CDK14: variants seen among roughly 807,000 people sequenced by gnomAD.
CDK14 encodes the protein cyclin dependent kinase 14.
In CDK14, 34 loss-of-function variants were observed where a neutral mutation model predicts 60.7. The observed-to-expected ratio is 0.56, with a 90% CI of 0.43 to 0.75. CDK14 has a LOEUF of 0.75. Among genes scored for constraint, CDK14 ranks in the 30% least tolerant of loss-of-function variants. CDK14 has a pLI of 0.00. For synonymous variants in CDK14, 197 were observed against 203.7 expected, an observed-to-expected ratio of 0.97 and a Z score of 0.28; for missense variants, 482 against 564.1, an observed-to-expected ratio of 0.85 and a Z score of 1.47.
chr7:90,863,382 GA>G, intron 6 of CDK14, 113 bp downstream of exon 6: 2 of 538,160 alleles, frequency 3.7e-6, no homozygotes, highest in South Asian at 5.6e-5. Flanking sequence ...TATTTTATCT[GA>G]ATACATGAGA....
intron 1 of CDK14, among the ~76,000 whole-genome samples, chr7:90,601,955 T>C (rs1799325528): frequency 6.6e-6 from 1 of 150,842 alleles, no homozygotes; most frequent in Non-Finnish European, 1.5e-5. Flanking sequence ...TGTATGTATG[T>C]ATGTATGTAT....
At chr7:91,207,003 G>T (rs552708199) in intron 14 of CDK14, among the ~76,000 whole-genome samples, 162 bp from the exon 15 acceptor site, 19 of 151,542 alleles carry the variant, frequency 1.3e-4, no homozygotes, top group East Asian at 1.2e-3. Context: ...ATTTTTTTTT[G>T]GTTAAGGAGG....
chr7:91,102,062 C>A (rs1339379960), intron 12 of CDK14, among the ~76,000 whole-genome samples: 1 of 152,158 alleles, frequency 6.6e-6, no homozygotes, highest in East Asian at 1.9e-4. Context: ...GACTTCTTCA[C>A]AAATCATCCA....
intron 5 of CDK14, among the ~76,000 whole-genome samples, chr7:90,800,309 AT>A (rs1282609431): frequency 6.6e-6 from 1 of 152,212 alleles, no homozygotes; most frequent in East Asian, 1.9e-4. Flanking sequence ...TATTTCAAAT[AT>A]TTGGAATTAG....
At chr7:91,126,284 G>C (rs1799942127) in intron 14 of CDK14, among the ~76,000 whole-genome samples, 1 of 152,204 alleles carries the variant, frequency 6.6e-6, no homozygotes, top group Admixed American at 6.6e-5. Flanking sequence ...AGAATGCCCA[G>C]ATTATCCTCT....
intron 8 of CDK14, among the ~76,000 whole-genome samples, chr7:90,949,983 A>T (rs1476314306): frequency 3.3e-5 from 5 of 152,266 alleles, no homozygotes; most frequent in South Asian, 2.1e-4. Flanking sequence ...GGGTACCCAC[A>T]TCTCATAGTG....
intron 4 of CDK14, among the ~76,000 whole-genome samples, chr7:90,762,164 TC>T (rs1486194679): frequency 1.3e-5 from 2 of 152,130 alleles, no homozygotes; most frequent in Non-Finnish European, 2.9e-5. Flanking sequence ...GGAGGAGATG[TC>T]ACCAGGCAGG....
chr7:90,644,834 T>C (rs890873602), intron 2 of CDK14, among the ~76,000 whole-genome samples: 19 of 152,204 alleles, frequency 1.2e-4, no homozygotes, highest in Non-Finnish European at 2.1e-4. Flanking sequence ...TGAGCATGCA[T>C]GCTTATTACA....
chr7:90,851,430 G>T (rs1790642515), intron 5 of CDK14, among the ~76,000 whole-genome samples: 1 of 152,174 alleles, frequency 6.6e-6, no homozygotes, highest in Non-Finnish European at 1.5e-5. Context: ...TCAGTAGAAG[G>T]TTGAGTGCAT....
At chr7:90,871,980 T>G (rs1210046500) in intron 6 of CDK14, among the ~76,000 whole-genome samples, 2 of 152,250 alleles carry the variant, frequency 1.3e-5, no homozygotes, top group African/African-American at 4.8e-5. Context: ...ATTATGGTCA[T>G]TCACTTAATA....
At chr7:90,890,070 T>G (rs1792066156) in intron 6 of CDK14, among the ~76,000 whole-genome samples, 1 of 152,224 alleles carries the variant, frequency 6.6e-6, no homozygotes, top group African/African-American at 2.4e-5. Flanking sequence ...TTATTCACTG[T>G]TTTGAAAACG....
intron 8 of CDK14, among the ~76,000 whole-genome samples, chr7:90,947,254 C>A (rs1794128129): frequency 1.3e-5 from 2 of 152,178 alleles, no homozygotes; most frequent in African/African-American, 4.8e-5. Context: ...TTATCCCTTT[C>A]AGTCTCCCTC....
intron 4 of CDK14, among the ~76,000 whole-genome samples, chr7:90,759,552 CAAGACCCA>C (rs1036089052): frequency 1.3e-5 from 2 of 152,178 alleles, no homozygotes; most frequent in Non-Finnish European, 2.9e-5. Flanking sequence ...CTCACAACCT[CAAGACCCA>C]AAGTTGAGAC....
intron 2 of CDK14, among the ~76,000 whole-genome samples, chr7:90,638,161 G>T (rs907217093): frequency 2.0e-5 from 3 of 152,046 alleles, no homozygotes; most frequent in African/African-American, 7.2e-5. Flanking sequence ...GTGTGAATTT[G>T]ATCCTGCCAT....
chr7:90,770,134 A>G (rs1023923115), intron 4 of CDK14, among the ~76,000 whole-genome samples: 1 of 152,246 alleles, frequency 6.6e-6, no homozygotes, highest in Non-Finnish European at 1.5e-5. Context: ...GCTCTATAGA[A>G]AAGGGATGCT....
intron 9 of CDK14, among the ~76,000 whole-genome samples, chr7:90,963,433 A>T (rs1409269786): frequency 1.3e-5 from 2 of 152,064 alleles, no homozygotes; most frequent in African/African-American, 4.8e-5. Flanking sequence ...TTAAAAAAAA[A>T]TAGAAGTACA....
chr7:91,107,527 G>A (rs1257757498), intron 12 of CDK14: 1 of 152,316 alleles, frequency 6.6e-6, no homozygotes, highest in East Asian at 1.9e-4. Flanking sequence ...TTGATGACTG[G>A]TTATGTTTTG....
At chr7:90,793,047 A>G (rs1805898485) in intron 5 of CDK14, among the ~76,000 whole-genome samples, 2 of 152,052 alleles carry the variant, frequency 1.3e-5, no homozygotes, top group South Asian at 4.1e-4. Flanking sequence ...ATCACACCCT[A>G]TTTTTATTTC....
chr7:90,875,556 G>C (rs1204800707), intron 6 of CDK14, among the ~76,000 whole-genome samples: 3 of 151,910 alleles, frequency 2.0e-5, no homozygotes, highest in Non-Finnish European at 4.4e-5. Context: ...TGGATGTTTA[G>C]TTGTATCTGA....
Sources: gnomAD v4.1 joint callset for allele counts (sites outside exome capture counted in the v4.1 genomes callset) on GRCh38, gnomAD v4.1.1 for gene constraint, MANE v1.5 for transcripts, NCBI Gene and HGNC (gene_info 2026-07-23, HGNC 2026-07-21) for gene names.